Variants in RBM25 observed in about 807,000 individuals in gnomAD.
The protein encoded by RBM25 is RNA-binding protein 25.
Under a neutral mutation model 120.7 loss-of-function variants are expected in RBM25, and 19 were observed. The ratio of observed to expected loss-of-function variants is 0.16; its 90% CI spans 0.11 to 0.23. The LOEUF (loss-of-function observed/expected upper bound fraction) is 0.23, where lower values mean the gene tolerates loss of function less well. RBM25 is among the 10% of genes least tolerant of loss of function. RBM25 has a pLI of 1.00. For synonymous variants in RBM25, 390 were observed against 326.7 expected (o/e 1.19, Z -2.09); for missense variants, 605 against 1,041.5 (o/e 0.58, Z 5.77).
intron 2 of RBM25, among the ~76,000 whole-genome samples, chr14:73,074,251 CTT>C (rs1401100100): frequency 6.6e-6 from 1 of 152,092 alleles, no homozygotes; most frequent in Non-Finnish European, 1.5e-5. Flanking sequence ...CAGGATCTCT[CTT>C]TGTCTCCCAG....
chr14:73,105,745 G>C, intron 10 of RBM25, 114 bp from the exon 11 acceptor site: 1 of 1,473,064 alleles, frequency 6.8e-7, no homozygotes, highest in Non-Finnish European at 9.1e-7. Context: ...TCAAGTGCTA[G>C]ATTCTGGCCT....
chr14:73,112,370 T>A, intron 17 of RBM25, 120 bp downstream of exon 17: 1 of 966,504 alleles, frequency 1.0e-6, no homozygotes, highest in Non-Finnish European at 1.4e-6. Context: ...TTCAGTTAAG[T>A]GATTTATATC....
chr14:73,058,939 C>T (rs1040044939), intron 1 of RBM25: 11 of 152,332 alleles, frequency 7.2e-5, no homozygotes, highest in African/African-American at 2.4e-4. Flanking sequence ...ACGGCTTGAG[C>T]TTTCCGTCTT....
chr14:73,099,224 G>A (rs1323236474), intron 7 of RBM25, among the ~76,000 whole-genome samples, 156 bp from the exon 8 acceptor site: 1 of 152,156 alleles, frequency 6.6e-6, no homozygotes, highest in African/African-American at 2.4e-5. Context: ...TAAAAAGAGT[G>A]AAATCACTTC....
intron 12 of RBM25, chr14:73,107,616 G>GTATTCTATACATTTATAAATAT (rs1387415070): frequency 4.4e-5 from 22 of 499,660 alleles, no homozygotes; most frequent in African/African-American, 4.2e-4. Flanking sequence ...TTATAAATAT[G>GTATTCTATACATTTATAAATAT]GTTTGAATTC....
chr14:73,097,903 G>T (rs576320673), intron 7 of RBM25, among the ~76,000 whole-genome samples: 1 of 152,278 alleles, frequency 6.6e-6, no homozygotes, highest in Admixed American at 6.5e-5. Context: ...GAAAGAAAAG[G>T]TTTAGTTTTC....
chr14:73,106,386 C>T (rs1015620764), intron 12 of RBM25, 101 bp downstream of exon 12: 5 of 918,408 alleles, frequency 5.4e-6, no homozygotes, highest in Non-Finnish European at 7.7e-6. Context: ...GCACAAGCTT[C>T]TCTATTCATG....
intron 9 of RBM25, chr14:73,102,587 T>C (rs1361506668): frequency 6.6e-6 from 1 of 152,244 alleles, no homozygotes; most frequent in East Asian, 1.9e-4. Flanking sequence ...TTTCAAACTT[T>C]TTGTATTTGG....
At chr14:73,075,873 T>G (rs929683157) in intron 2 of RBM25, among the ~76,000 whole-genome samples, 3 of 151,944 alleles carry the variant, frequency 2.0e-5, no homozygotes, top group Non-Finnish European at 4.4e-5. Context: ...CTCGATCTCC[T>G]GGGCTCAATC....
chr14:73,069,879 G>C (rs556008995), intron 1 of RBM25: 1 of 130,710 alleles, frequency 7.7e-6, no homozygotes. Context: ...TCAGCCTCAA[G>C]CCATCCTCCT....
Position 73,106,297 on chromosome 14 carries a change from G to C in RBM25, c.1467+12G>C. ...GAAGAAGAGAAATGGTAAGATTCTAGGCTAAAATAAGTGATTTTTCAGGTA... is the reference window on the plus strand; with the variant it reads ...GAAGAAGAGAAATGGTAAGATTCTACGCTAAAATAAGTGATTTTTCAGGTA... On this transcript the variant is annotated intron_variant, in intron 12 of 18. Transcript: ENST00000261973. 6.4e-7 allele frequency: 1 copy of C among 1,561,394 alleles called. No homozygotes were observed. The highest frequency in any genetic ancestry group is 1.2e-5 in the South Asian group (1 of 80,660).
At chr14:73,114,586 C>T (rs183108038) in intron 18 of RBM25, among the ~76,000 whole-genome samples, 1 of 152,256 alleles carries the variant, frequency 6.6e-6, no homozygotes, top group African/African-American at 2.4e-5. Context: ...ATTTGATTCA[C>T]TTCCTGCCTG....
intron 18 of RBM25, among the ~76,000 whole-genome samples, chr14:73,114,787 G>A (rs774886604): frequency 4.6e-5 from 7 of 152,164 alleles, no homozygotes; most frequent in East Asian, 1.9e-4. Context: ...CCAGCTACTC[G>A]GGGAGTCTGA....
chr14:73,082,490 T>G (rs1895585811), intron 4 of RBM25, among the ~76,000 whole-genome samples: 1 of 152,064 alleles, frequency 6.6e-6, no homozygotes, highest in African/African-American at 2.4e-5. Flanking sequence ...AGTGTCTCCC[T>G]ATGTTGCCCA....
chr14:73,081,719 G>A (rs1444214832), intron 4 of RBM25, among the ~76,000 whole-genome samples: 1 of 152,122 alleles, frequency 6.6e-6, no homozygotes, highest in African/African-American at 2.4e-5. Flanking sequence ...TAGTTTACCG[G>A]GATATAGAAT....
At position 73,121,605 on chromosome 14, in the gene RBM25, C is replaced by T. The variant is rs1896542318; in HGVS notation, c.*1800C>T. 6.6e-6 allele frequency: 1 copy of T among 152,188 alleles called. No homozygotes were observed. The highest frequency in any genetic ancestry group is 6.5e-5 in the Admixed American group (1 of 15,278). The allele number at this position is 152,188 out of a possible 1,614,324, so 9.4% of individuals were successfully genotyped here. ...TTTCAGTCTTTTCTTAGACACACCC[C>T]CAGCCTAAGACCTTGTTCGAGGAGT... On this transcript the variant is annotated 3_prime_UTR_variant, in exon 19 of 19. Coordinates refer to ENST00000261973, the MANE Select transcript of RBM25 (RefSeq NM_021239.3).
At chr14:73,115,584 A>T (rs1405613521) in intron 18 of RBM25, among the ~76,000 whole-genome samples, 1 of 152,208 alleles carries the variant, frequency 6.6e-6, no homozygotes, top group African/African-American at 2.4e-5. Context: ...TTGACAGTAA[A>T]CATCAAATCC....
chr14:73,069,621 T>A (rs1895225682), intron 1 of RBM25, among the ~76,000 whole-genome samples: 1 of 151,640 alleles, frequency 6.6e-6, no homozygotes, highest in South Asian at 2.1e-4. Context: ...TTAGTGGAGA[T>A]GGGGTTTCTC....
intron 18 of RBM25, among the ~76,000 whole-genome samples, chr14:73,116,545 C>T (rs930900171): frequency 6.6e-6 from 1 of 152,164 alleles, no homozygotes; most frequent in African/African-American, 2.4e-5. Context: ...GTGAAAACTT[C>T]ATTGCCTCAG....
Sources: allele counts gnomAD v4.1 joint callset (sites outside exome capture counted in the v4.1 genomes callset), GRCh38; gene constraint gnomAD v4.1.1; transcripts MANE v1.5; gene names NCBI Gene and HGNC (gene_info 2026-07-23, HGNC 2026-07-21).